PIAS1: variants seen among roughly 807,000 people sequenced by gnomAD.
PIAS1 encodes protein inhibitor of activated STAT 1, also known as E3 SUMO-protein ligase PIAS1.
In PIAS1, 6 loss-of-function variants were observed where a neutral mutation model predicts 71.3. The observed-to-expected ratio is 0.08, with a 90% CI of 0.05 to 0.17. The LOEUF (loss-of-function observed/expected upper bound fraction) is 0.17. PIAS1 is among the 10% of genes least tolerant of loss of function. The pLI, the probability that PIAS1 is intolerant of heterozygous loss-of-function variation, is 1.00. For synonymous variants in PIAS1, 303 were observed against 292.9 expected (o/e 1.03, Z -0.35); for missense variants, 555 against 793.6 (o/e 0.70, Z 3.61).
chr15:68,177,513 C>G (rs558735056), intron 11 of PIAS1, among the ~76,000 whole-genome samples: 1 of 152,228 alleles, frequency 6.6e-6, no homozygotes, highest in South Asian at 2.1e-4. Context: ...CACAACATTT[C>G]CCACTTTGCA....
intron 6 of PIAS1, among the ~76,000 whole-genome samples, chr15:68,149,057 A>G (rs2092828014): frequency 6.6e-6 from 1 of 152,034 alleles, no homozygotes; most frequent in Admixed American, 6.6e-5. Flanking sequence ...AACACTGGAA[A>G]AGGACTGAGT....
At chr15:68,065,736 CTTT>C (rs35947814) in intron 1 of PIAS1, among the ~76,000 whole-genome samples, 10 of 99,566 alleles carry the variant, frequency 1.0e-4, no homozygotes, top group African/African-American at 3.7e-4. Context: ...GCTTGAAGTA[CTTT>C]TTTTTTTTTT....
chr15:68,068,775 T>C (rs1884462117), intron 1 of PIAS1, among the ~76,000 whole-genome samples: 1 of 151,502 alleles, frequency 6.6e-6, no homozygotes, highest in Admixed American at 6.6e-5. Context: ...TGAAAAGTGC[T>C]CAGGCTTATG....
At chr15:68,095,796 G>A (rs1286991171) in intron 2 of PIAS1, among the ~76,000 whole-genome samples, 2 of 152,158 alleles carry the variant, frequency 1.3e-5, no homozygotes, top group Non-Finnish European at 2.9e-5. Flanking sequence ...CTCCCAAAGT[G>A]CTGGGATTAC....
chr15:68,145,799 T>C lies in PIAS1; in HGVS notation c.603-17T>C, dbSNP rs1270389513. On this transcript the variant is annotated splice_polypyrimidine_tract_variant and intron_variant, in intron 4 of 13. Transcript: ENST00000249636. ...ATCCTTTAATAAAGGAAATTAAACT[T>C]GTCCTTTATTGTTTAGGTTTTGTTT... 2 of 1,434,326 alleles carry C rather than the reference T, an allele frequency of 1.4e-6. No individual in the cohort carries two copies. Among genetic ancestry groups the C allele is most frequent in the African/African-American group, 1.4e-5 (1 of 71,298 alleles). The allele number at this position is 1,434,326 out of a possible 1,614,324, so 88.8% of individuals were successfully genotyped here.
chr15:68,101,628 C>A (rs1008561712), intron 2 of PIAS1, among the ~76,000 whole-genome samples: 2 of 152,116 alleles, frequency 1.3e-5, no homozygotes, highest in African/African-American at 4.8e-5. Context: ...GCCACTGCGC[C>A]TGGCTTGTCT....
At chr15:68,123,403 A>G (rs961078941) in intron 2 of PIAS1, among the ~76,000 whole-genome samples, 4 of 152,168 alleles carry the variant, frequency 2.6e-5, no homozygotes, top group African/African-American at 9.7e-5. Flanking sequence ...GAGACACACA[A>G]AGTTATGAGT....
Position 68,175,771 on chromosome 15 carries a change from A to T in PIAS1, c.1300+4A>T. The T allele has an allele frequency of 6.3e-7, 1 of 1,596,862 alleles. No individual in the cohort carries two copies. Among genetic ancestry groups the T allele is most frequent in the South Asian group, 1.1e-5 (1 of 88,206 alleles). ...GCCTCTTACAATGGAGTCGATGGTG[A>T]GTAGTTCTTCACAAGGAAGAGGCAG... is the stretch of plus-strand genomic sequence containing the variant. On this transcript the variant is annotated splice_donor_region_variant and intron_variant, in intron 10 of 13. Transcript: ENST00000249636.
chr15:68,169,541 C>T (rs1247905875), intron 8 of PIAS1, among the ~76,000 whole-genome samples: 1 of 152,160 alleles, frequency 6.6e-6, no homozygotes, highest in African/African-American at 2.4e-5. Flanking sequence ...GGCATGGTGG[C>T]ACCTGCCTGT....
chr15:68,116,393 T>C (rs756326630), intron 2 of PIAS1, among the ~76,000 whole-genome samples: 5 of 152,136 alleles, frequency 3.3e-5, no homozygotes, highest in African/African-American at 4.8e-5. Flanking sequence ...CAAATATTAA[T>C]AATATTCTCT....
rs183943461 is a variant in PIAS1 at position 68,189,684 on chromosome 15, C to G, written c.*1849C>G. 1.3e-5 allele frequency: 2 copies of G among 151,984 alleles called. No individual in the cohort carries two copies. The highest frequency in any genetic ancestry group is 2.4e-5 in the African/African-American group (1 of 41,462). 9.4% of individuals were successfully genotyped at this position (151,984 alleles called of 1,614,324 possible). On this transcript the variant is annotated 3_prime_UTR_variant, in exon 14 of 14. Coordinates refer to ENST00000249636, the MANE Select transcript of PIAS1 (RefSeq NM_016166.3). ...TTTATAAACAAGTGTGTTTGAGTAACAAGTGAGTTTCATAGTCTTCCCCTA... is the reference window on the plus strand; with the variant it reads ...TTTATAAACAAGTGTGTTTGAGTAAGAAGTGAGTTTCATAGTCTTCCCCTA...
At chr15:68,164,897 T>A in intron 8 of PIAS1, 93 bp downstream of exon 8, 1 of 680,244 alleles carries the variant, frequency 1.5e-6, no homozygotes, top group Non-Finnish European at 2.6e-6. Flanking sequence ...TTCTGTTTGC[T>A]TCTAAAATAT....
chr15:68,141,985 C>A lies in PIAS1; in HGVS notation c.509C>A (p.Ala170Glu). The A allele has an allele frequency of 1.9e-6, 3 of 1,605,002 alleles. No individual in the cohort carries two copies. Among genetic ancestry groups the A allele is most frequent in the Non-Finnish European group, 2.6e-6 (3 of 1,175,142 alleles). ...NSQRFRETCF[A>E]FALTPQQVQQ... is the part of the protein sequence containing the mutation. ...CAGCGCTTTCGAGAAACCTGTTTTG[C>A]ATTTGCCTTGACACCACAACAAGTG... The change falls in exon 3 of 14, where the codon GCA becomes GAA. Residue 170 changes from alanine (A) to glutamate (E), a missense_variant. Coordinates refer to ENST00000249636, the MANE Select transcript of PIAS1 (RefSeq NM_016166.3).
In PIAS1 at chr15:68,176,668, C is replaced by T; in HGVS notation, c.1481+14C>T. The stretch of plus-strand genomic sequence containing the variant: ...AAATAATAAAGGGTAAGTGCTGAGA[C>T]ATTTAAAAAAAAAAGTAATCATGAA... On this transcript the variant is annotated intron_variant, in intron 11 of 13. Coordinates refer to ENST00000249636, the MANE Select transcript of PIAS1 (RefSeq NM_016166.3). 1.3e-6 allele frequency: 2 copies of T among 1,483,994 alleles called. No homozygotes were observed. The highest frequency in any genetic ancestry group is 1.8e-6 in the Non-Finnish European group (2 of 1,108,098). 91.9% of individuals were successfully genotyped at this position (1,483,994 alleles called of 1,614,324 possible). A position where few individuals can be genotyped will look rare whatever the true frequency, so the allele number is the denominator to read the frequency against.
rs563117834 is a variant in PIAS1 at position 68,181,159 on chromosome 15, C to T, written c.1482-53C>T. On this transcript the variant is annotated intron_variant, in intron 11 of 13. Transcript: ENST00000249636. ...GAGATACAACCCCTTTTTTTGTTAACCTTGAGAGTTTAACTGGCTAATGAA... is the reference window on the plus strand; with the variant it reads ...GAGATACAACCCCTTTTTTTGTTAATCTTGAGAGTTTAACTGGCTAATGAA... The T allele has an allele frequency of 1.6e-5, 24 of 1,547,236 alleles. 2 individuals carry two copies. In the Admixed American group the frequency reaches 1.8e-4, roughly 12 times the overall value.
chr15:68,113,552 A>G (rs2092540097), intron 2 of PIAS1, among the ~76,000 whole-genome samples: 1 of 152,134 alleles, frequency 6.6e-6, no homozygotes, highest in Non-Finnish European at 1.5e-5. Flanking sequence ...AGCCAGATAA[A>G]GTGTATTTAC....
At position 68,181,235 on chromosome 15, in the gene PIAS1, C is replaced by T; in HGVS notation, c.1505C>T (p.Ala502Val). The change falls in exon 12 of 14, where the codon GCA becomes GTA. Residue 502 changes from alanine (A) to valine (V), a missense_variant. Physicochemically the swap from Ala to Val is moderately conservative, Grantham distance 64 (BLOSUM62 0). Transcript: ENST00000249636. ...NKGILSLPHQ[A>V]SPVSRTPSLP... ...AGCATTTTAAGTCTTCCACATCAAG[C>T]ATCTCCAGTATCCCGCACCCCAAGC... The T allele has an allele frequency of 6.2e-7, 1 of 1,613,270 alleles. No homozygotes were observed. The highest frequency in any genetic ancestry group is 8.5e-7 in the Non-Finnish European group (1 of 1,179,498).
At chr15:68,055,802 A>G in intron 1 of PIAS1, 1 of 636,628 alleles carries the variant, frequency 1.6e-6, no homozygotes, top group Non-Finnish European at 2.8e-6. Context: ...CTTCTAGAAC[A>G]ACCAAATGCC....
Position 68,173,623 on chromosome 15 carries a change from T to C in PIAS1, c.1009-109T>C. On this transcript the variant is annotated intron_variant, in intron 8 of 13. Transcript: ENST00000249636. The surrounding 1 kb of genome is among the most constrained non-coding windows in gnomAD (Gnocchi z 4.3). ...TTCTACATTGATGAAAAGTCAACAC[T>C]GTATGCTTTAAATCAGCATGCCTAC... 1 of 592,860 alleles carries C rather than the reference T, an allele frequency of 1.7e-6. No homozygotes were observed. The allele number at this position is 592,860 out of a possible 1,614,324, so 36.7% of individuals were successfully genotyped here.
Sources: allele counts gnomAD v4.1 joint callset (sites outside exome capture counted in the v4.1 genomes callset), GRCh38; gene constraint gnomAD v4.1.1; non-coding constraint Gnocchi (gnomAD v3.1); transcripts MANE v1.5; gene names NCBI Gene and HGNC (gene_info 2026-07-23, HGNC 2026-07-21).